PIK3C2B: variants seen among roughly 807,000 people sequenced by gnomAD.
PIK3C2B encodes phosphatidylinositol 4-phosphate 3-kinase C2 domain-containing subunit beta.
PIK3C2B carries 83 observed loss-of-function variants against 184.3 expected under a neutral mutation model. The observed-to-expected ratio is 0.45, with a 90% CI of 0.38 to 0.54. The LOEUF is 0.54. Ranked by LOEUF, PIK3C2B falls within the 20% of genes least tolerant of loss-of-function variation. The pLI is 0.00. For missense variants in PIK3C2B, 1,736 were observed against 2,113.5 expected (o/e 0.82, Z 3.50); for synonymous variants, 779 against 837.6 (o/e 0.93, Z 1.21).
chr1:204,444,221 ACTT>A, intron 17 of PIK3C2B, 59 bp from the exon 18 acceptor site: 1 of 1,427,314 alleles, frequency 7.0e-7, no homozygotes, highest in African/African-American at 1.4e-5. Context: ...TGTAACCTAC[ACTT>A]ATTATTATTG....
intron 15 of PIK3C2B, 35 bp from the exon 16 acceptor site, chr1:204,446,179 G>C: frequency 2.7e-6 from 4 of 1,478,462 alleles, no homozygotes; most frequent in Non-Finnish European, 3.7e-6. Context: ...GGTGGTGGGA[G>C]GGTAGGGGGC....
At chr1:204,467,622 G>A (rs1431159887) in intron 2 of PIK3C2B, among the ~76,000 whole-genome samples, 2 of 152,070 alleles carry the variant, frequency 1.3e-5, no homozygotes, top group African/African-American at 4.8e-5. Context: ...ATCACCTGAG[G>A]TCAGGAGTTC....
At chr1:204,446,475 T>A (rs1653874417) in intron 15 of PIK3C2B, among the ~76,000 whole-genome samples, 1 of 152,196 alleles carries the variant, frequency 6.6e-6, no homozygotes, top group South Asian at 2.1e-4. Flanking sequence ...CAGGGACATC[T>A]TGGATGGAGA....
intron 12 of PIK3C2B, among the ~76,000 whole-genome samples, chr1:204,450,657 G>A (rs1344075081): frequency 3.9e-5 from 6 of 152,170 alleles, no homozygotes; most frequent in African/African-American, 1.2e-4. Flanking sequence ...TACCCCAGTG[G>A]TGAGAAAGCC....
intron 2 of PIK3C2B, among the ~76,000 whole-genome samples, chr1:204,466,558 G>A (rs931760730): frequency 1.3e-5 from 2 of 152,148 alleles, no homozygotes; most frequent in African/African-American, 4.8e-5. Flanking sequence ...TGCCAAGTTC[G>A]TGCCTGTGTC....
chr1:204,469,166 C>T lies in PIK3C2B; in HGVS notation c.637G>A (p.Val213Met). The T allele has an allele frequency of 6.2e-7, 1 of 1,614,116 alleles. No individual in the cohort carries two copies. The highest frequency in any genetic ancestry group is 8.5e-7 in the Non-Finnish European group (1 of 1,179,984). The change falls in exon 2 of 33, where the codon GTG (valine) becomes ATG (methionine). Residue 213 changes from valine (V) to methionine (M), a missense_variant. Physicochemically the swap from Val to Met is conservative, Grantham distance 21. Around this residue, in one of 8 missense-constraint regions of PIK3C2B, gnomAD observed 404 missense variants for 418.0 expected, o/e 0.97. Coordinates refer to ENST00000684373, the MANE Select transcript of PIK3C2B (RefSeq NM_001377334.1). ...LEHRILEEEEVLGGGGQGRLL... is the reference protein window; with the variant it reads ...LEHRILEEEEMLGGGGQGRLL... ...CGCCCCTGACCCCCACCTCCCAGCA[C>T]CTCTTCCTCTTCTAGGATCCGATGC...
intron 21 of PIK3C2B, 55 bp downstream of exon 21, chr1:204,441,416 C>A: frequency 8.7e-7 from 1 of 1,151,160 alleles, no homozygotes; most frequent in African/African-American, 1.5e-5. Context: ...CCACTCTAGG[C>A]TGCCTCCTTC....
In PIK3C2B at chr1:204,483,202, G is replaced by A. The variant is rs148886045; in HGVS notation, c.-85+11154C>T. 1.2e-4 allele frequency among the ~76,000 whole-genome samples: 19 copies of A among 152,130 alleles called. No individual in the cohort carries two copies. The East Asian group carries it at 2.1e-3, about 17-fold the overall frequency. Reference sequence around the variant, plus strand: ...TTTGGGAGGCCAAAGCAGGACGATCGCTTGAGCCCAGAAGTTTGAGGCCAG... The same window carrying A: ...TTTGGGAGGCCAAAGCAGGACGATCACTTGAGCCCAGAAGTTTGAGGCCAG... On this transcript the variant is annotated intron_variant, in intron 1 of 32. Transcript: ENST00000684373.
intron 6 of PIK3C2B, 49 bp from the exon 7 acceptor site, chr1:204,460,452 C>G: frequency 6.5e-7 from 1 of 1,545,954 alleles, no homozygotes; most frequent in Non-Finnish European, 8.9e-7. Context: ...CTTATCTCAG[C>G]TCAGCACTCC....
intron 23 of PIK3C2B, 57 bp downstream of exon 23, chr1:204,438,878 G>C: frequency 1.3e-6 from 2 of 1,575,260 alleles, no homozygotes; most frequent in Admixed American, 1.7e-5. Context: ...TTAAAGAGCT[G>C]TGTGCCGGCA....
intron 1 of PIK3C2B, among the ~76,000 whole-genome samples, chr1:204,485,727 G>T (rs1251339270): frequency 6.6e-6 from 1 of 151,936 alleles, no homozygotes; most frequent in Non-Finnish European, 1.5e-5. Context: ...AGACGTGGTC[G>T]CCACCACAAC....
At chr1:204,465,787 C>A (rs1407318111) in intron 2 of PIK3C2B, among the ~76,000 whole-genome samples, 2 of 152,360 alleles carry the variant, frequency 1.3e-5, no homozygotes, top group Non-Finnish European at 1.5e-5. Flanking sequence ...GCCTCAATAT[C>A]CACAAGCCCC....
chr1:204,476,621 A>T (rs1410832694), intron 1 of PIK3C2B, among the ~76,000 whole-genome samples: 1 of 152,232 alleles, frequency 6.6e-6, no homozygotes, highest in Non-Finnish European at 1.5e-5. Context: ...GGGATTCTGT[A>T]TAAAAACAAA....
At position 204,434,616 on chromosome 1, in the gene PIK3C2B, G is replaced by A. The variant is rs1280056787; in HGVS notation, c.3517-8C>T. The A allele has an allele frequency of 1.2e-6, 2 of 1,605,676 alleles. No homozygotes were observed. Among genetic ancestry groups the A allele is most frequent in the African/African-American group, 1.3e-5 (1 of 74,720 alleles). ...GATAAAGTTCTCCACAGCCTGGGAG[G>A]GGTCAAGGCAGATGGGAGGAGAGGA... On this transcript the variant is annotated splice_region_variant and splice_polypyrimidine_tract_variant and intron_variant, in intron 23 of 32. Transcript: ENST00000684373.
At chr1:204,482,488 G>A (rs1370943969) in intron 1 of PIK3C2B, among the ~76,000 whole-genome samples, 2 of 152,160 alleles carry the variant, frequency 1.3e-5, no homozygotes, top group African/African-American at 4.8e-5. Flanking sequence ...AGGATGCAAC[G>A]CCTTAAGAGA....
chr1:204,490,000 G>A, intron 1 of PIK3C2B: 4 of 397,212 alleles, frequency 1.0e-5, no homozygotes, highest in Non-Finnish European at 1.8e-5. Context: ...TTCCTGGTGG[G>A]CTTGGCTTAG....
chr1:204,454,763 G>A lies in PIK3C2B; in HGVS notation c.1972C>T (p.Leu658Phe). 1 of 1,613,278 alleles carries A rather than the reference G, an allele frequency of 6.2e-7. No individual in the cohort carries two copies. The highest frequency in any genetic ancestry group is 8.5e-7 in the Non-Finnish European group (1 of 1,179,982). The part of the protein sequence containing the change: ...SYEDFYLSCS[L>F]SHGGKELCSP... ...CACAGCTCCTTGCCGCCATGGCTGA[G>A]GGAGCAGGAGAGGTAGAAATCTTCA... is the stretch of plus-strand genomic sequence containing the variant. The change falls in exon 12 of 33, where the codon CTC (leucine) becomes TTC (phenylalanine). Residue 658 changes from leucine (L) to phenylalanine (F), a missense_variant. Physicochemically the swap from Leu to Phe is conservative, Grantham distance 22. Coordinates refer to ENST00000684373, the MANE Select transcript of PIK3C2B (RefSeq NM_001377334.1).
chr1:204,469,728 C>T lies in PIK3C2B; in HGVS notation c.75G>A (p.Ala25=), dbSNP rs1365677958. The change falls in exon 2 of 33, where the codon GCG becomes GCA. Residue 25 remains alanine, a synonymous_variant. Coordinates refer to ENST00000684373, the MANE Select transcript of PIK3C2B (RefSeq NM_001377334.1). ...ESVGISRKEL[A]MAEALQMEYD... ...ACTCCATCTGCAGGGCTTCGGCCAT[C>T]GCTAGCTCTTTGCGGCTGATGCCCA... 3 of 1,614,050 alleles carry T rather than the reference C, an allele frequency of 1.9e-6. No individual in the cohort carries two copies. Among genetic ancestry groups the T allele is most frequent in the Non-Finnish European group, 1.7e-6 (2 of 1,179,946 alleles).
At chr1:204,437,013 G>A (rs1186361708) in intron 23 of PIK3C2B, among the ~76,000 whole-genome samples, 2 of 152,180 alleles carry the variant, frequency 1.3e-5, no homozygotes. Flanking sequence ...AGAAATGAAA[G>A]TAGTAGCCCC....
Sources: gnomAD v4.1 joint callset for allele counts (sites outside exome capture counted in the v4.1 genomes callset) on GRCh38, gnomAD v4.1.1 for gene constraint, gnomAD v4.1.1 regional missense constraint, MANE v1.5 for transcripts, NCBI Gene and HGNC (gene_info 2026-07-23, HGNC 2026-07-21) for gene names.